Variants in KCNIP4 observed in about 807,000 individuals in gnomAD.
The protein encoded by KCNIP4 is Kv channel-interacting protein 4.
A neutral mutation model predicts 34.0 loss-of-function variants in KCNIP4; 12 were observed. The observed-to-expected ratio is 0.35, with a 90% CI of 0.23 to 0.57. KCNIP4 has a LOEUF of 0.57. Among genes scored for constraint, KCNIP4 ranks in the 20% least tolerant of loss-of-function variants. The pLI is 0.83. For missense variants in KCNIP4, 238 were observed against 311.7 expected (o/e 0.76, Z 1.78); for synonymous variants, 124 against 102.2 (o/e 1.21, Z -1.29).
rs987031463 is a variant in KCNIP4 at position 21,052,801 on chromosome 4, G to C, written c.62-170092C>G. ...CACATTCAAAGCTGTGACCATCACTGACTTGGCACTGTCTGTATCTGTGTG... is the reference window on the plus strand; with the variant it reads ...CACATTCAAAGCTGTGACCATCACTCACTTGGCACTGTCTGTATCTGTGTG... On this transcript the variant is annotated intron_variant, in intron 1 of 8. Coordinates refer to ENST00000382152, the MANE Select transcript of KCNIP4 (RefSeq NM_025221.6). 2.6e-5 allele frequency among the ~76,000 whole-genome samples: 4 copies of C among 152,126 alleles called. No individual in the cohort carries two copies. In the South Asian group the frequency reaches 8.3e-4, roughly 32 times the overall value.
At chr4:20,944,072 T>A (rs1471230451) in intron 1 of KCNIP4, among the ~76,000 whole-genome samples, 2 of 152,168 alleles carry the variant, frequency 1.3e-5, no homozygotes, top group Non-Finnish European at 2.9e-5. Context: ...GTAGAAATAA[T>A]CATACCTAGT....
chr4:20,764,717 A>G (rs1332807522), intron 3 of KCNIP4, among the ~76,000 whole-genome samples: 4 of 131,082 alleles, frequency 3.1e-5, no homozygotes, highest in Non-Finnish European at 6.5e-5. Flanking sequence ...CAACCCCATG[A>G]ACAAACAGCA....
intron 1 of KCNIP4, among the ~76,000 whole-genome samples, chr4:21,889,663 G>A (rs1296620337): frequency 6.6e-6 from 1 of 152,048 alleles, no homozygotes; most frequent in African/African-American, 2.4e-5. Context: ...TAGGCAGATG[G>A]TTCAGAACAT....
intron 1 of KCNIP4, among the ~76,000 whole-genome samples, chr4:21,889,708 A>T (rs114920680): frequency 0.018 from 2,697 of 152,230 alleles, 69 homozygotes; most frequent in African/African-American, 0.059. Context: ...ACCTAGAACT[A>T]ACAATAAGCT....
chr4:21,645,309 C>A lies in KCNIP4; in HGVS notation c.61+303262G>T, dbSNP rs10011134. ...TCATACATTTAGTAAGCAATAGAAC[C>A]GAAATTCAAAGCAGAGACTAGCTCC... On this transcript the variant is annotated intron_variant, in intron 1 of 8. Transcript: ENST00000382152. Among the ~76,000 whole-genome samples the A allele has an allele frequency of 3.9e-3, 588 of 151,966 alleles. 6 individuals are homozygous for A. The highest frequency in any genetic ancestry group is 8.7e-3 in the Admixed American group (133 of 15,238).
At chr4:20,909,500 A>G (rs1728122406) in intron 1 of KCNIP4, among the ~76,000 whole-genome samples, 1 of 152,170 alleles carries the variant, frequency 6.6e-6, no homozygotes, top group Non-Finnish European at 1.5e-5. Flanking sequence ...AGAACAGACT[A>G]TCATCCCCCA....
chr4:21,403,282 C>A (rs1723692663), intron 1 of KCNIP4, among the ~76,000 whole-genome samples: 2 of 152,218 alleles, frequency 1.3e-5, no homozygotes, highest in Admixed American at 1.3e-4. Context: ...CATATCCACA[C>A]CCATTGAAAT....
chr4:20,833,529 C>T (rs950712728), intron 3 of KCNIP4, among the ~76,000 whole-genome samples: 5 of 148,874 alleles, frequency 3.4e-5, no homozygotes, highest in Admixed American at 1.3e-4. Context: ...CTTTACGGGT[C>T]ATATGTGCCC....
chr4:20,787,867 A>G (rs1712210498), intron 3 of KCNIP4, among the ~76,000 whole-genome samples: 1 of 152,070 alleles, frequency 6.6e-6, no homozygotes, highest in South Asian at 2.1e-4. Flanking sequence ...TGTCTTCTTT[A>G]TAACTGTCTG....
chr4:20,881,188 AT>A (rs1440669825), intron 2 of KCNIP4, among the ~76,000 whole-genome samples: 2 of 152,210 alleles, frequency 1.3e-5, no homozygotes, highest in Non-Finnish European at 2.9e-5. Flanking sequence ...ATGATGATAT[AT>A]CACCTTTGGT....
chr4:21,351,397 T>G (rs1717986799), intron 1 of KCNIP4, among the ~76,000 whole-genome samples: 1 of 152,206 alleles, frequency 6.6e-6, no homozygotes, highest in Non-Finnish European at 1.5e-5. Flanking sequence ...TCCCTACACA[T>G]GCTCCCTCTT....
At chr4:21,564,448 T>C (rs1458552436) in intron 1 of KCNIP4, among the ~76,000 whole-genome samples, 2 of 152,128 alleles carry the variant, frequency 1.3e-5, no homozygotes, top group African/African-American at 4.8e-5. Flanking sequence ...GTGACTTCCT[T>C]TGCACATGAC....
intron 1 of KCNIP4, among the ~76,000 whole-genome samples, chr4:21,547,815 T>G (rs73252247): frequency 6.6e-6 from 1 of 152,026 alleles, no homozygotes. Context: ...GTTCCAAGCC[T>G]AAATCTAAAA....
chr4:21,641,049 G>A lies in KCNIP4; in HGVS notation c.61+307522C>T, dbSNP rs116164302. ...CACACCAAGTTCTTCTGCAAACTGA[G>A]CTGCTCCTCATGAACTGGCCGTTAC... On this transcript the variant is annotated intron_variant, in intron 1 of 8. Transcript: ENST00000382152. Among the ~76,000 whole-genome samples the A allele has an allele frequency of 7.4e-3, 1,120 of 152,286 alleles. 12 individuals carry two copies. Among genetic ancestry groups the A allele is most frequent in the African/African-American group, 0.025 (1,043 of 41,570 alleles).
intron 1 of KCNIP4, among the ~76,000 whole-genome samples, chr4:21,894,366 C>T (rs1019483506): frequency 3.2e-4 from 45 of 140,608 alleles, no homozygotes; most frequent in African/African-American, 7.0e-4. Context: ...AATAAAACAA[C>T]GAAAAGCTAC....
chr4:20,941,575 G>C (rs779422646), intron 1 of KCNIP4, among the ~76,000 whole-genome samples: 1 of 147,810 alleles, frequency 6.8e-6, no homozygotes, highest in Non-Finnish European at 1.5e-5. Flanking sequence ...TTAATTTTTC[G>C]AGGCTTATGA....
chr4:20,753,459 A>G (rs192392742), intron 4 of KCNIP4, among the ~76,000 whole-genome samples: 1 of 152,280 alleles, frequency 6.6e-6, no homozygotes, highest in Admixed American at 6.5e-5. Context: ...AATTATATCG[A>G]GAACACAGTG....
At position 20,850,548 on chromosome 4, in the gene KCNIP4, T is replaced by G; in HGVS notation, c.283A>C (p.Lys95Gln). Residue 95 changes from lysine (K) to glutamine (Q), a missense_variant, in exon 3 of 9, where the codon AAG (lysine) becomes CAG (glutamine). Lys to Gln is a moderately conservative substitution (Grantham distance 53). Transcript: ENST00000382152. ...GTCAAAAAGAAAGTTCTTACATTCT[T>G]AAATCCTCTGTAAAGGATCTGAAGC... is the stretch of plus-strand genomic sequence containing the variant. The part of the protein sequence containing the change: ...KELQILYRGF[K>Q]NECPSGVVNE... The G allele has an allele frequency of 6.2e-7, 1 of 1,612,600 alleles. No individual in the cohort carries two copies. Among genetic ancestry groups the G allele is most frequent in the Non-Finnish European group, 8.5e-7 (1 of 1,179,630 alleles).
chr4:20,749,176 G>A (rs752617124), intron 5 of KCNIP4, among the ~76,000 whole-genome samples: 1 of 132,654 alleles, frequency 7.5e-6, no homozygotes, highest in Non-Finnish European at 1.7e-5. Context: ...AAAAAAATAC[G>A]TTCTCTACAG....
Sources: gnomAD v4.1 joint callset for allele counts (sites outside exome capture counted in the v4.1 genomes callset) on GRCh38, gnomAD v4.1.1 for gene constraint, MANE v1.5 for transcripts, NCBI Gene and HGNC (gene_info 2026-07-23, HGNC 2026-07-21) for gene names.